The following UBE2G1 variants were observed in gnomAD, a reference collection of about 807,000 sequenced individuals.
UBE2G1 encodes ubiquitin-conjugating enzyme E2 G1.
UBE2G1 carries 5 observed loss-of-function variants against 22.7 expected under a neutral mutation model. The observed-to-expected ratio is 0.22, with a 90% CI of 0.12 to 0.46. The LOEUF (loss-of-function observed/expected upper bound fraction) is 0.46, where lower values mean the gene tolerates loss of function less well. Among genes scored for constraint, UBE2G1 ranks in the 20% least tolerant of loss-of-function variants. UBE2G1 has a pLI of 0.99. For synonymous variants in UBE2G1, 74 were observed against 67.5 expected (o/e 1.10, Z -0.47); for missense variants, 88 against 203.9 (o/e 0.43, Z 3.46).
intron 1 of UBE2G1, chr17:4,345,602 G>A (rs1048113725): frequency 5.3e-5 from 8 of 152,090 alleles, no homozygotes; most frequent in Non-Finnish European, 1.2e-4. Flanking sequence ...TACTTATCAA[G>A]GCAAATAAAC....
chr17:4,289,556 A>G (rs1197842903), intron 3 of UBE2G1, 148 bp from the exon 4 acceptor site: 10 of 858,642 alleles, frequency 1.2e-5, no homozygotes, highest in Non-Finnish European at 1.7e-5. Flanking sequence ...CAATGTGTTG[A>G]CTTTTTAAGA....
At chr17:4,305,219 C>G (rs143564940) in intron 2 of UBE2G1, among the ~76,000 whole-genome samples, 2 of 152,180 alleles carry the variant, frequency 1.3e-5, no homozygotes, top group African/African-American at 4.8e-5. Context: ...GCCTCGTGAG[C>G]CACTACGCCC....
intron 1 of UBE2G1, among the ~76,000 whole-genome samples, chr17:4,324,803 C>T (rs914449139): frequency 3.9e-5 from 6 of 152,070 alleles, no homozygotes; most frequent in Non-Finnish European, 5.9e-5. Context: ...TAAGGCCGGG[C>T]GCGGTGGCTC....
intron 1 of UBE2G1, among the ~76,000 whole-genome samples, chr17:4,328,023 T>C (rs1351691107): frequency 2.6e-5 from 4 of 152,174 alleles, no homozygotes; most frequent in Non-Finnish European, 4.4e-5. Flanking sequence ...TTTTGGCCCA[T>C]GTGCAGTGCA....
intron 2 of UBE2G1, among the ~76,000 whole-genome samples, chr17:4,301,175 T>C (rs911922872): frequency 1.3e-5 from 2 of 152,198 alleles, no homozygotes; most frequent in African/African-American, 4.8e-5. Context: ...TATAGTCCTG[T>C]TGTAGCTGTC....
At chr17:4,293,080 A>G (rs1302950157) in intron 3 of UBE2G1, among the ~76,000 whole-genome samples, 2 of 152,192 alleles carry the variant, frequency 1.3e-5, no homozygotes, top group African/African-American at 2.4e-5. Context: ...AATCAATTTT[A>G]GAGTATTTTT....
chr17:4,338,142 C>T (rs968030928), intron 1 of UBE2G1, among the ~76,000 whole-genome samples: 1 of 151,276 alleles, frequency 6.6e-6, no homozygotes, highest in Non-Finnish European at 1.5e-5. Context: ...TGCACTGCAG[C>T]CTAGGCGACA....
At chr17:4,322,924 G>A (rs1412999216) in intron 1 of UBE2G1, among the ~76,000 whole-genome samples, 1 of 152,198 alleles carries the variant, frequency 6.6e-6, no homozygotes, top group East Asian at 1.9e-4. Flanking sequence ...TGATGGAGGT[G>A]AAAGGAGAGA....
intron 5 of UBE2G1, among the ~76,000 whole-genome samples, chr17:4,276,878 C>A (rs188058117): frequency 6.6e-6 from 1 of 152,286 alleles, no homozygotes; most frequent in African/African-American, 2.4e-5. Context: ...GTTAGAATGA[C>A]CTTCCCGAGA....
intron 5 of UBE2G1, among the ~76,000 whole-genome samples, chr17:4,274,816 G>A (rs1968802840): frequency 6.6e-6 from 1 of 151,990 alleles, no homozygotes; most frequent in Admixed American, 6.6e-5. Flanking sequence ...ACTTTGGGAG[G>A]CCAAGGTGGG....
intron 5 of UBE2G1, among the ~76,000 whole-genome samples, chr17:4,280,336 CTTT>C (rs71144178): frequency 0.51 from 35,088 of 68,870 alleles, 15,138 homozygotes; most frequent in Non-Finnish European, 0.62. Context: ...GGCACCTGGG[CTTT>C]TTTTTTTTTT....
chr17:4,340,776 T>A (rs1017894328), intron 1 of UBE2G1, among the ~76,000 whole-genome samples: 1 of 151,894 alleles, frequency 6.6e-6, no homozygotes, highest in Non-Finnish European at 1.5e-5. Context: ...TATTTTTTTT[T>A]ATTTTTTCTT....
At chr17:4,341,511 T>A (rs1289144209) in intron 1 of UBE2G1, among the ~76,000 whole-genome samples, 1 of 152,154 alleles carries the variant, frequency 6.6e-6, no homozygotes, top group Non-Finnish European at 1.5e-5. Flanking sequence ...TCCTGTGTCA[T>A]CGGTTCTTCT....
At chr17:4,286,813 G>A (rs1968969296) in intron 4 of UBE2G1, among the ~76,000 whole-genome samples, 1 of 152,116 alleles carries the variant, frequency 6.6e-6, no homozygotes, top group Non-Finnish European at 1.5e-5. Flanking sequence ...AGGCCAAGGC[G>A]GGCAGATCAT....
intron 1 of UBE2G1, among the ~76,000 whole-genome samples, chr17:4,336,689 G>A (rs1969652390): frequency 1.3e-5 from 2 of 151,976 alleles, no homozygotes; most frequent in Admixed American, 1.3e-4. Flanking sequence ...ACCACACCCA[G>A]CTAATTTTTG....
At chr17:4,307,196 TG>T in intron 1 of UBE2G1, 73 bp from the exon 2 acceptor site, 1 of 1,260,658 alleles carries the variant, frequency 7.9e-7, no homozygotes, top group Admixed American at 1.8e-5. Flanking sequence ...TTACAGAACT[TG>T]AGCGTACATG....
intron 4 of UBE2G1, among the ~76,000 whole-genome samples, chr17:4,288,358 C>G (rs1340022849): frequency 6.6e-6 from 1 of 152,094 alleles, no homozygotes; most frequent in Non-Finnish European, 1.5e-5. Flanking sequence ...TCCCGAGTAG[C>G]TGGGACTATA....
At chr17:4,350,057 G>A (rs1415823473) in intron 1 of UBE2G1, among the ~76,000 whole-genome samples, 1 of 151,960 alleles carries the variant, frequency 6.6e-6, no homozygotes, top group Non-Finnish European at 1.5e-5. Flanking sequence ...CAAAATGTTG[G>A]GATTACAGAA....
chr17:4,333,811 T>C (rs2143782966), intron 1 of UBE2G1, among the ~76,000 whole-genome samples: 1 of 151,814 alleles, frequency 6.6e-6, no homozygotes, highest in Admixed American at 6.6e-5. Flanking sequence ...ACAGTGAGAC[T>C]CCGTCTCAAA....
Sources: gnomAD v4.1 joint callset for allele counts (sites outside exome capture counted in the v4.1 genomes callset) on GRCh38, gnomAD v4.1.1 for gene constraint, MANE v1.5 for transcripts, NCBI Gene and HGNC (gene_info 2026-07-23, HGNC 2026-07-21) for gene names.